The following MAP3K9 variants were observed in gnomAD, a reference collection of about 807,000 sequenced individuals.
MAP3K9 encodes the protein mixed lineage kinase 1 (tyr and ser/thr specificity).
MAP3K9 carries 46 observed loss-of-function variants against 95.8 expected under a neutral mutation model. That is an observed-to-expected ratio of 0.48 (90% CI 0.38 to 0.61). MAP3K9 has a LOEUF of 0.61. Ranked by LOEUF, MAP3K9 falls within the 20% of genes least tolerant of loss-of-function variation. MAP3K9 has a pLI of 0.00. For missense variants in MAP3K9, 1,296 were observed against 1,474.3 expected (o/e 0.88, Z 1.98); for synonymous variants, 533 against 593.8 (o/e 0.90, Z 1.49).
intron 2 of MAP3K9, among the ~76,000 whole-genome samples, chr14:70,799,323 T>C (rs1032714446): frequency 1.3e-5 from 2 of 151,346 alleles, no homozygotes; most frequent in Non-Finnish European, 2.9e-5. Flanking sequence ...ACTACTTACA[T>C]AATTTTAAAA....
chr14:70,764,034 A>C (rs2054411829), intron 2 of MAP3K9, among the ~76,000 whole-genome samples: 1 of 145,962 alleles, frequency 6.9e-6, no homozygotes, highest in Non-Finnish European at 1.5e-5. Flanking sequence ...AAATACAAAA[A>C]AATTAGCTGG....
At position 70,773,317 on chromosome 14, in the gene MAP3K9, G is replaced by A. The variant is rs78631925; in HGVS notation, c.821-12135C>T. Among the ~76,000 whole-genome samples the A allele has an allele frequency of 8.2e-4, 125 of 152,332 alleles. 2 individuals carry two copies. Among genetic ancestry groups the A allele is most frequent in the African/African-American group, 2.8e-3 (117 of 41,570 alleles). On this transcript the variant is annotated intron_variant, in intron 2 of 11. Coordinates refer to ENST00000554752, the MANE Select transcript of MAP3K9 (RefSeq NM_001284230.2). Reference sequence around the variant, plus strand: ...GTAAGGGTTAAAGCAGAAGGACAGAGTCAGCAGCAGAAAGAGAAAACAAAT... The same window carrying A: ...GTAAGGGTTAAAGCAGAAGGACAGAATCAGCAGCAGAAAGAGAAAACAAAT...
chr14:70,801,106 C>T, intron 1 of MAP3K9, 26 bp from the exon 2 acceptor site: 1 of 1,586,226 alleles, frequency 6.3e-7, no homozygotes, highest in Non-Finnish European at 8.6e-7. Flanking sequence ...AAAAAAGAAG[C>T]AAGTCAAAAA....
rs373523963 is a variant in MAP3K9, at chr14:70,730,774, C to T, written c.2921G>A (p.Arg974His). ...PNVVFPPTPRRWNTQQDSTLE... is the reference protein window; with the variant it reads ...PNVVFPPTPRHWNTQQDSTLE... ...GGTAGAGTCCTGCTGAGTGTTCCAG[C>T]GCCTTGGGGTTGGGGGGAAGACCAC... The change falls in exon 12 of 12, where the codon CGC (arginine) becomes CAC (histidine). Residue 974 changes from arginine to histidine, a missense_variant. By Grantham distance (29) the Arg-to-His change is conservative. Transcript: ENST00000554752. 7.5e-5 allele frequency: 121 copies of T among 1,613,296 alleles called. No individual in the cohort carries two copies. In the East Asian group the frequency reaches 9.4e-4, roughly 12 times the overall value.
intron 5 of MAP3K9, among the ~76,000 whole-genome samples, chr14:70,745,555 T>TA (rs2054134736): frequency 6.6e-6 from 1 of 152,064 alleles, no homozygotes; most frequent in South Asian, 2.1e-4. Flanking sequence ...CTGGCCATGA[T>TA]AGTGAAACCC....
chr14:70,799,568 T>TA (rs2054906053), intron 2 of MAP3K9, among the ~76,000 whole-genome samples: 1 of 151,734 alleles, frequency 6.6e-6, no homozygotes, highest in South Asian at 2.1e-4. Context: ...CTCGATCTCC[T>TA]GACCTCATGA....
At position 70,727,640 on chromosome 14, in the gene MAP3K9, C is replaced by T. The variant is rs2053836674; in HGVS notation, c.*2740G>A. The T allele has an allele frequency of 6.6e-6, 1 of 152,354 alleles. No homozygotes were observed. Among genetic ancestry groups the T allele is most frequent in the Non-Finnish European group, 1.5e-5 (1 of 68,162 alleles). 9.4% of individuals were successfully genotyped at this position (152,354 alleles called of 1,614,324 possible). A position where few individuals can be genotyped will look rare whatever the true frequency, so the allele number is the denominator to read the frequency against. ...CCTTAGCCCATCTCCAACCTTGCCC[C>T]ACTGAGAGAGTGCAGCAGTCAGGGG... On this transcript the variant is annotated 3_prime_UTR_variant, in exon 12 of 12. Coordinates refer to ENST00000554752, the MANE Select transcript of MAP3K9 (RefSeq NM_001284230.2).
intron 5 of MAP3K9, among the ~76,000 whole-genome samples, chr14:70,743,186 C>T (rs2139735910): frequency 6.6e-6 from 1 of 152,034 alleles, no homozygotes; most frequent in Non-Finnish European, 1.5e-5. Context: ...TTAGGTTTTA[C>T]CATGTTGGCC....
chr14:70,800,526 A>T, intron 2 of MAP3K9, 141 bp downstream of exon 2: 1 of 832,688 alleles, frequency 1.2e-6, no homozygotes, highest in Non-Finnish European at 1.9e-6. Context: ...CACCTCCTAC[A>T]TCTCCATTCA....
intron 5 of MAP3K9, among the ~76,000 whole-genome samples, chr14:70,748,104 CA>C (rs34373850): frequency 3.9e-4 from 49 of 125,436 alleles, no homozygotes; most frequent in East Asian, 1.6e-3. Context: ...GAGACTGTCT[CA>C]AAAAAAAAAA....
rs779763210 is a variant in MAP3K9 at position 70,732,655 on chromosome 14, G to A, written c.2714C>T (p.Thr905Ile). The A allele has an allele frequency of 2.5e-6, 4 of 1,605,240 alleles. No homozygotes were observed. The highest frequency in any genetic ancestry group is 1.7e-5 in the Admixed American group (1 of 59,264). ...CCGGTGACTGCTGGGCTGCGAGGGG[G>A]TGGTGAGGGTGACATGGGTGGGAGT... ...SLTPTHVTLT[T>I]PSQPSSHRRT... The change falls in exon 11 of 12, where the codon ACC becomes ATC. Residue 905 changes from threonine to isoleucine, a missense_variant. Thr to Ile is a moderately conservative substitution (Grantham distance 89). Transcript: ENST00000554752.
intron 8 of MAP3K9, among the ~76,000 whole-genome samples, chr14:70,736,830 C>T (rs1356184352): frequency 6.6e-6 from 1 of 152,090 alleles, no homozygotes; most frequent in East Asian, 1.9e-4. Flanking sequence ...GGTAGTTTGC[C>T]CTACATATCT....
intron 2 of MAP3K9, among the ~76,000 whole-genome samples, chr14:70,763,623 T>C (rs2054405366): frequency 6.6e-6 from 1 of 152,084 alleles, no homozygotes; most frequent in Non-Finnish European, 1.5e-5. Flanking sequence ...CTCAATCTCC[T>C]GGGCTCAAGT....
chr14:70,789,776 G>A (rs1279969438), intron 2 of MAP3K9, among the ~76,000 whole-genome samples: 2 of 152,170 alleles, frequency 1.3e-5, no homozygotes, highest in African/African-American at 4.8e-5. Flanking sequence ...AGGAGGGAAA[G>A]GGACATGCAA....
chr14:70,794,500 A>AC lies in MAP3K9; in HGVS notation c.820+6166_820+6167insG, dbSNP rs1213044478. 7.9e-5 allele frequency among the ~76,000 whole-genome samples: 12 copies of AC among 152,164 alleles called. No homozygotes were observed. The East Asian group carries it at 9.6e-4, about 12-fold the overall frequency. ...AACAGGAGTGTGCAGGCAAGAGTGT[A>AC]GTGATTAGGGCCACAAGCTGACAAC... is the stretch of plus-strand genomic sequence containing the variant. On this transcript the variant is annotated intron_variant, in intron 2 of 11. Coordinates refer to ENST00000554752, the MANE Select transcript of MAP3K9 (RefSeq NM_001284230.2).
chr14:70,732,690 G>A lies in MAP3K9; in HGVS notation c.2679C>T (p.Asn893=). The change falls in exon 11 of 12, where the codon AAC becomes AAT. Residue 893 remains asparagine, a synonymous_variant. Transcript: ENST00000554752. ...TGACATGGGTGGGAGTCAGAGATTG[G>A]TTAGGATCTCGTTTGAAGCGCTCTA... ...VRVERFKRDP[N]QSLTPTHVTL... is the part of the protein sequence containing the mutation. 6.2e-7 allele frequency: 1 copy of A among 1,602,020 alleles called. No homozygotes were observed. Among genetic ancestry groups the A allele is most frequent in the Non-Finnish European group, 8.5e-7 (1 of 1,172,284 alleles).
chr14:70,808,505 G>A (rs1056870418), intron 1 of MAP3K9, among the ~76,000 whole-genome samples: 1 of 152,152 alleles, frequency 6.6e-6, no homozygotes, highest in African/African-American at 2.4e-5. Flanking sequence ...TCAGGATGTG[G>A]AAATCGGGAG....
At chr14:70,735,366 CTTTTTTT>C (rs10716151) in intron 9 of MAP3K9, among the ~76,000 whole-genome samples, 1 of 140,136 alleles carries the variant, frequency 7.1e-6, no homozygotes, top group Non-Finnish European at 1.5e-5. Context: ...CAGAGTGGCT[CTTTTTTT>C]TTTTTTTTTT....
At chr14:70,776,935 T>C (rs972746034) in intron 2 of MAP3K9, among the ~76,000 whole-genome samples, 4 of 151,894 alleles carry the variant, frequency 2.6e-5, no homozygotes, top group Non-Finnish European at 5.9e-5. Context: ...AGGTTCAAAT[T>C]ATTCTCCTGC....
Sources: allele counts gnomAD v4.1 joint callset (sites outside exome capture counted in the v4.1 genomes callset), GRCh38; gene constraint gnomAD v4.1.1; transcripts MANE v1.5; gene names NCBI Gene and HGNC (gene_info 2026-07-23, HGNC 2026-07-21).